CNTNAP2: variants seen among roughly 807,000 people sequenced by gnomAD.
The protein encoded by CNTNAP2 is contactin-associated protein-like 2.
CNTNAP2 carries 98 observed loss-of-function variants against 155.2 expected under a neutral mutation model. That is an observed-to-expected ratio of 0.63 (90% CI 0.54 to 0.75). The LOEUF is 0.75. CNTNAP2 is among the 30% of genes least tolerant of loss of function. The pLI is 0.00. For missense variants in CNTNAP2, 1,727 were observed against 1,688.1 expected (o/e 1.02, Z -0.40); for synonymous variants, 651 against 631.2 (o/e 1.03, Z -0.47).
At chr7:148,155,393 A>C (rs1488668759) in intron 17 of CNTNAP2, among the ~76,000 whole-genome samples, 1 of 152,186 alleles carries the variant, frequency 6.6e-6, no homozygotes, top group Non-Finnish European at 1.5e-5. Context: ...GGGCAGGAGA[A>C]TTTTGTTTCT....
chr7:146,285,591 T>C (rs1383009090), intron 1 of CNTNAP2, among the ~76,000 whole-genome samples: 1 of 151,962 alleles, frequency 6.6e-6, no homozygotes, highest in Non-Finnish European at 1.5e-5. Flanking sequence ...TGTCAAAATT[T>C]ACAAATTAGG....
intron 10 of CNTNAP2, among the ~76,000 whole-genome samples, chr7:147,445,901 C>A (rs1055026055): frequency 6.6e-6 from 1 of 151,996 alleles, no homozygotes; most frequent in African/African-American, 2.4e-5. Context: ...CTCAAGTGAT[C>A]ATCCTGGCTC....
At chr7:147,102,953 C>T (rs1046286446) in intron 4 of CNTNAP2, among the ~76,000 whole-genome samples, 4 of 152,096 alleles carry the variant, frequency 2.6e-5, no homozygotes, top group Admixed American at 6.5e-5. Context: ...CCTAATGTTA[C>T]CAGTCTTTTC....
At chr7:146,696,835 TTTTGAC>T (rs1469135227) in intron 1 of CNTNAP2, among the ~76,000 whole-genome samples, 1 of 152,186 alleles carries the variant, frequency 6.6e-6, no homozygotes, top group East Asian at 1.9e-4. Flanking sequence ...TTCTTTTTAT[TTTTGAC>T]TTTGACTTTA....
At chr7:148,201,865 C>T (rs1031214845) in intron 18 of CNTNAP2, among the ~76,000 whole-genome samples, 1 of 151,826 alleles carries the variant, frequency 6.6e-6, no homozygotes, top group African/African-American at 2.4e-5. Flanking sequence ...AACTTTCACA[C>T]ACTATGGAAC....
At chr7:146,954,660 G>T (rs1246095781) in intron 3 of CNTNAP2, among the ~76,000 whole-genome samples, 1 of 151,360 alleles carries the variant, frequency 6.6e-6, no homozygotes, top group East Asian at 1.9e-4. Context: ...TTTTTGCAAA[G>T]TTCTTTAATT....
At chr7:148,412,618 T>C (rs1362520929) in intron 23 of CNTNAP2, among the ~76,000 whole-genome samples, 2 of 152,246 alleles carry the variant, frequency 1.3e-5, no homozygotes, top group African/African-American at 4.8e-5. Context: ...CTCAGAATTG[T>C]CTACCTAGAC....
intron 15 of CNTNAP2, among the ~76,000 whole-genome samples, chr7:147,981,171 C>G (rs1225494247): frequency 6.6e-6 from 1 of 152,158 alleles, no homozygotes; most frequent in Non-Finnish European, 1.5e-5. Flanking sequence ...CTCTGAGAGG[C>G]TTCAGGACAA....
chr7:146,683,254 A>G (rs1268749804), intron 1 of CNTNAP2, among the ~76,000 whole-genome samples: 3 of 151,916 alleles, frequency 2.0e-5, no homozygotes, highest in African/African-American at 7.3e-5. Flanking sequence ...GCTGGTCTCA[A>G]CCTCCTGACC....
At chr7:146,638,469 G>A (rs2129160486) in intron 1 of CNTNAP2, among the ~76,000 whole-genome samples, 1 of 108,804 alleles carries the variant, frequency 9.2e-6, no homozygotes, top group South Asian at 4.1e-4. Flanking sequence ...AATACAGTCA[G>A]GTGTTTCTTT....
At chr7:146,453,773 T>C (rs1796515746) in intron 1 of CNTNAP2, among the ~76,000 whole-genome samples, 1 of 152,122 alleles carries the variant, frequency 6.6e-6, no homozygotes, top group African/African-American at 2.4e-5. Context: ...GATTATAAAA[T>C]GCATAGGCTG....
intron 1 of CNTNAP2, among the ~76,000 whole-genome samples, chr7:146,533,107 C>CAAAAAAAAAAAAAAAA (rs553035616): frequency 2.1e-5 from 1 of 47,852 alleles, no homozygotes; most frequent in African/African-American, 6.8e-5. Flanking sequence ...GACCCTGTCT[C>CAAAAAAAAAAAAAAAA]AAAAAAAAAA....
chr7:146,418,022 A>C (rs896560020), intron 1 of CNTNAP2, among the ~76,000 whole-genome samples: 2 of 152,208 alleles, frequency 1.3e-5, no homozygotes, highest in African/African-American at 4.8e-5. Flanking sequence ...TGAGTTAGAG[A>C]AACAGACCAT....
chr7:147,078,578 T>C (rs943803774), intron 4 of CNTNAP2, among the ~76,000 whole-genome samples: 33 of 152,094 alleles, frequency 2.2e-4, no homozygotes, highest in East Asian at 3.9e-4. Context: ...CCTTGCTTGA[T>C]GCCTGCAGGT....
chr7:146,729,719 T>C (rs1430813861), intron 1 of CNTNAP2, among the ~76,000 whole-genome samples: 1 of 152,158 alleles, frequency 6.6e-6, no homozygotes, highest in African/African-American at 2.4e-5. Context: ...TTGGTTGTTC[T>C]TATCTCTTTA....
At chr7:146,790,232 C>G (rs1333872090) in intron 2 of CNTNAP2, among the ~76,000 whole-genome samples, 1 of 152,084 alleles carries the variant, frequency 6.6e-6, no homozygotes, top group East Asian at 1.9e-4. Context: ...TTAAGACAAT[C>G]ATTGATGATG....
chr7:146,711,077 T>A (rs1428445849), intron 1 of CNTNAP2, among the ~76,000 whole-genome samples: 1 of 151,666 alleles, frequency 6.6e-6, no homozygotes, highest in Non-Finnish European at 1.5e-5. Flanking sequence ...ATGCAAGTTC[T>A]GCCTTGCAAG....
chr7:147,740,592 G>T (rs908157605), intron 13 of CNTNAP2, among the ~76,000 whole-genome samples: 5 of 152,220 alleles, frequency 3.3e-5, no homozygotes, highest in Admixed American at 6.5e-5. Flanking sequence ...CCAAGGTAGG[G>T]TTTATGAATA....
chr7:148,242,068 C>T (rs752480948), intron 20 of CNTNAP2, among the ~76,000 whole-genome samples: 35 of 152,244 alleles, frequency 2.3e-4, no homozygotes, highest in Non-Finnish European at 4.1e-4. Flanking sequence ...GCATTAAATA[C>T]ATAAATCACC....
Sources: gnomAD v4.1 joint callset for allele counts (sites outside exome capture counted in the v4.1 genomes callset) on GRCh38, gnomAD v4.1.1 for gene constraint, MANE v1.5 for transcripts, NCBI Gene and HGNC (gene_info 2026-07-23, HGNC 2026-07-21) for gene names.